SESTD1: variants seen among roughly 807,000 people sequenced by gnomAD.
SESTD1 encodes the protein SEC14 and spectrin domain containing 1, also known as SEC14 domain and spectrin repeat-containing protein 1.
SESTD1 carries 43 observed loss-of-function variants against 101.7 expected under a neutral mutation model. The observed-to-expected ratio is 0.42, with a 90% CI of 0.33 to 0.55. The LOEUF (loss-of-function observed/expected upper bound fraction) is 0.55, where lower values mean the gene tolerates loss of function less well. SESTD1 is among the 20% of genes least tolerant of loss of function. The pLI, the probability that SESTD1 is intolerant of heterozygous loss-of-function variation, is 0.07. For missense variants in SESTD1, 647 were observed against 815.1 expected, an observed-to-expected ratio of 0.79 and a Z score of 2.51; for synonymous variants, 283 against 286.8, an observed-to-expected ratio of 0.99 and a Z score of 0.13.
At chr2:179,233,838 ATGTG>A (rs1367409539) in intron 1 of SESTD1, among the ~76,000 whole-genome samples, 5 of 152,102 alleles carry the variant, frequency 3.3e-5, no homozygotes, top group Admixed American at 3.3e-4. Flanking sequence ...GCATGTGTGC[ATGTG>A]TGTATGTGTA....
chr2:179,200,969 A>G (rs1215713675), intron 1 of SESTD1, among the ~76,000 whole-genome samples: 1 of 134,186 alleles, frequency 7.5e-6, no homozygotes. Flanking sequence ...AGAAACTACC[A>G]TCAGAGTGAA....
chr2:179,211,486 T>C lies in SESTD1; in HGVS notation c.-25-19620A>G, dbSNP rs980582891. ...TGGCACACAGACCAGTGGAACAAAA[T>C]AGAGAACCCAGAAATACGGCAAATA... is the stretch of plus-strand genomic sequence containing the variant. On this transcript the variant is annotated intron_variant, in intron 1 of 17. Coordinates refer to ENST00000428443, the MANE Select transcript of SESTD1 (RefSeq NM_178123.5). Among the ~76,000 whole-genome samples the C allele has an allele frequency of 8.3e-5, 11 of 132,856 alleles. 2 individuals carry two copies. The South Asian group carries it at 1.2e-3, about 14-fold the overall frequency. 87.2% of individuals were successfully genotyped at this position (132,856 alleles called of 152,430 possible).
intron 4 of SESTD1, among the ~76,000 whole-genome samples, chr2:179,176,023 A>G (rs2046006263): frequency 6.6e-6 from 1 of 152,204 alleles, no homozygotes; most frequent in African/African-American, 2.4e-5. Flanking sequence ...AAGACATGCC[A>G]GAATCACCTG....
intron 5 of SESTD1, among the ~76,000 whole-genome samples, chr2:179,171,228 A>AT (rs907271209): frequency 6.6e-6 from 1 of 152,188 alleles, no homozygotes; most frequent in African/African-American, 2.4e-5. Context: ...TTATAGCTTA[A>AT]TTTTTTTAAG....
chr2:179,255,543 A>G (rs1345414659), intron 1 of SESTD1, among the ~76,000 whole-genome samples: 1 of 152,240 alleles, frequency 6.6e-6, no homozygotes, highest in Non-Finnish European at 1.5e-5. Context: ...CTGAGAGGTG[A>G]GGAAGCTCCA....
rs1287476913 is a variant in SESTD1 at position 179,124,690 on chromosome 2, G to A, written c.973-132C>T. 4 of 720,276 alleles carry A rather than the reference G, an allele frequency of 5.6e-6. No homozygotes were observed. The East Asian group carries it at 1.1e-4, about 20-fold the overall frequency. The allele number at this position is 720,276 out of a possible 1,614,324, so 44.6% of individuals were successfully genotyped here. ...TCTAAGGCAAAATTATTAAAATTGA[G>A]GGTGGAAAGTTCCTAATCCTGTGAT... On this transcript the variant is annotated intron_variant, in intron 10 of 17. Transcript: ENST00000428443.
intron 5 of SESTD1, among the ~76,000 whole-genome samples, chr2:179,170,118 T>A (rs1380722000): frequency 6.6e-6 from 1 of 151,890 alleles, no homozygotes. Context: ...ACAATCTTTG[T>A]GACCTTGAGT....
At chr2:179,243,247 A>T (rs916626802) in intron 1 of SESTD1, among the ~76,000 whole-genome samples, 5 of 151,626 alleles carry the variant, frequency 3.3e-5, no homozygotes, top group Middle Eastern at 3.5e-3. Flanking sequence ...TTAAAAAGTC[A>T]AAAAAAATGA....
chr2:179,242,719 T>G (rs1476827940), intron 1 of SESTD1, among the ~76,000 whole-genome samples: 1 of 152,092 alleles, frequency 6.6e-6, no homozygotes, highest in Non-Finnish European at 1.5e-5. Context: ...CCTATTCAAA[T>G]AAATGGTGCT....
rs182872047 is a variant in SESTD1 at position 179,211,214 on chromosome 2, T to C, written c.-25-19348A>G. 1.6e-4 allele frequency among the ~76,000 whole-genome samples: 21 copies of C among 134,230 alleles called. 5 individuals are homozygous for C. The highest frequency in any genetic ancestry group is 2.7e-4 in the Non-Finnish European group (17 of 62,664). 88.1% of individuals were successfully genotyped at this position (134,230 alleles called of 152,430 possible). ...TGCTCACGGATGGATAGAATCAATA[T>C]TGTGAAAATGATCATACTGCCAAAA... On this transcript the variant is annotated intron_variant, in intron 1 of 17. Transcript: ENST00000428443.
At chr2:179,242,933 A>G (rs977989546) in intron 1 of SESTD1, among the ~76,000 whole-genome samples, 6 of 152,220 alleles carry the variant, frequency 3.9e-5, no homozygotes, top group African/African-American at 1.4e-4. Flanking sequence ...AGTGCAACAA[A>G]AACAAAAATT....
At chr2:179,176,359 G>T in intron 4 of SESTD1, 89 bp downstream of exon 4, 2 of 947,480 alleles carry the variant, frequency 2.1e-6, no homozygotes, top group Non-Finnish European at 3.3e-6. Context: ...GCCAGGCACA[G>T]TCCAATAAAT....
chr2:179,196,721 A>C (rs1172804665), intron 1 of SESTD1, among the ~76,000 whole-genome samples: 1 of 152,134 alleles, frequency 6.6e-6, no homozygotes, highest in East Asian at 1.9e-4. Flanking sequence ...ACGGCTGGGT[A>C]CTCCAACAGA....
Position 179,116,715 on chromosome 2 carries a change from T to C in SESTD1, c.1600A>G (p.Thr534Ala), listed in dbSNP as rs1430799862. 6.2e-7 allele frequency: 1 copy of C among 1,614,192 alleles called. No individual in the cohort carries two copies. Among genetic ancestry groups the C allele is most frequent in the Non-Finnish European group, 8.5e-7 (1 of 1,180,024 alleles). ...HIRLGDDAQE[T>A]KVLLEKHRKF... ...CTATGCTTTTCCAGCAAAACTTTCGTTTCTTGAGCATCATCGCCCAATCTG... is the reference window on the plus strand; with the variant it reads ...CTATGCTTTTCCAGCAAAACTTTCGCTTCTTGAGCATCATCGCCCAATCTG... The change falls in exon 15 of 18, where the codon ACG (threonine) becomes GCG (alanine). Residue 534 changes from threonine (T) to alanine (A), a missense_variant. Thr to Ala is a moderately conservative substitution (Grantham distance 58). This residue lies in a region of SESTD1 where 476 missense variants were observed against 562.6 expected (regional missense o/e 0.85). Transcript: ENST00000428443.
At position 179,204,137 on chromosome 2, in the gene SESTD1, C is replaced by T. The variant is rs191834228; in HGVS notation, c.-25-12271G>A. Among the ~76,000 whole-genome samples, 214 of 133,800 alleles carry T rather than the reference C, an allele frequency of 1.6e-3. 53 individuals are homozygous for T. Among genetic ancestry groups the T allele is most frequent in the African/African-American group, 5.8e-3 (194 of 33,680 alleles). The allele number at this position is 133,800 out of a possible 152,430, so 87.8% of individuals were successfully genotyped here. A position where few individuals can be genotyped will look rare whatever the true frequency, so the allele number is the denominator to read the frequency against. ...ATATATATATATACACACACATACA[C>T]GTGTGTACAGATGAAAAAAGAAAGA... On this transcript the variant is annotated intron_variant, in intron 1 of 17. Coordinates refer to ENST00000428443, the MANE Select transcript of SESTD1 (RefSeq NM_178123.5).
At chr2:179,123,530 T>G (rs1471824234) in intron 12 of SESTD1, among the ~76,000 whole-genome samples, 185 bp downstream of exon 12, 1 of 152,132 alleles carries the variant, frequency 6.6e-6, no homozygotes, top group Non-Finnish European at 1.5e-5. Flanking sequence ...TAACTAACGA[T>G]GAAAAATAAA....
At chr2:179,124,104 T>G (rs1190612012) in intron 11 of SESTD1, among the ~76,000 whole-genome samples, 1 of 152,082 alleles carries the variant, frequency 6.6e-6, no homozygotes, top group Non-Finnish European at 1.5e-5. Context: ...GCATAAACAT[T>G]GAGAAGGAGT....
At chr2:179,259,937 G>T (rs548812926) in intron 1 of SESTD1, among the ~76,000 whole-genome samples, 1 of 152,280 alleles carries the variant, frequency 6.6e-6, no homozygotes, top group Admixed American at 6.5e-5. Flanking sequence ...AGTGTATTTA[G>T]ATACCATTGT....
chr2:179,226,922 A>AG (rs889603794), intron 1 of SESTD1, among the ~76,000 whole-genome samples: 1 of 152,208 alleles, frequency 6.6e-6, no homozygotes, highest in African/African-American at 2.4e-5. Flanking sequence ...AGGAAGCAGG[A>AG]GAAAAAGGAA....
Sources: gnomAD v4.1 joint callset for allele counts (sites outside exome capture counted in the v4.1 genomes callset) on GRCh38, gnomAD v4.1.1 for gene constraint, gnomAD v4.1.1 regional missense constraint, MANE v1.5 for transcripts, NCBI Gene and HGNC (gene_info 2026-07-23, HGNC 2026-07-21) for gene names.